ATXN7: variants seen among roughly 807,000 people sequenced by gnomAD.
ATXN7 encodes ataxin 7, also known as ataxin-7.
ATXN7 carries 12 observed loss-of-function variants against 70.5 expected under a neutral mutation model. The ratio of observed to expected loss-of-function variants is 0.17; its 90% CI spans 0.11 to 0.28. ATXN7 has a LOEUF of 0.28. ATXN7 is among the 10% of genes least tolerant of loss of function. The pLI is 1.00. For synonymous variants in ATXN7, 498 were observed against 448.7 expected, an observed-to-expected ratio of 1.11 and a Z score of -1.39; for missense variants, 1,256 against 1,131.7, an observed-to-expected ratio of 1.11 and a Z score of -1.58.
At chr3:63,983,337 G>A (rs981394262) in intron 8 of ATXN7, among the ~76,000 whole-genome samples, 1 of 152,216 alleles carries the variant, frequency 6.6e-6, no homozygotes, top group African/African-American at 2.4e-5. Flanking sequence ...ACCCTTGACT[G>A]TGCTTTAAAT....
intron 1 of ATXN7, among the ~76,000 whole-genome samples, chr3:63,878,841 G>T (rs1186936419): frequency 6.6e-6 from 1 of 152,154 alleles, no homozygotes; most frequent in Non-Finnish European, 1.5e-5. Context: ...AGAAAAGGGA[G>T]CCCAGAGCAG....
chr3:63,870,736 T>C (rs560019053), intron 1 of ATXN7, among the ~76,000 whole-genome samples: 20 of 152,304 alleles, frequency 1.3e-4, no homozygotes, highest in South Asian at 4.1e-4. Flanking sequence ...GGAAGGGAAG[T>C]AATTAATACT....
At chr3:63,964,072 AAACACACAC>A (rs1305788183) in intron 5 of ATXN7, among the ~76,000 whole-genome samples, 81 of 102,194 alleles carry the variant, frequency 7.9e-4, no homozygotes, top group African/African-American at 4.0e-3. Context: ...TTAGACACAT[AAACACACAC>A]ACACACACAC....
rs2106656523 is a variant in ATXN7 at position 63,951,576 on chromosome 3, C to T, written c.395-803C>T. On this transcript the variant is annotated intron_variant, in intron 4 of 12. Coordinates refer to ENST00000674280, the MANE Select transcript of ATXN7 (RefSeq NM_001377405.1). ...ATACTTAAAAAGTTAGATTCTGGAT[C>T]TGAACTTTTAGCTCTGTTCCCCAAA... 3.3e-5 allele frequency among the ~76,000 whole-genome samples: 5 copies of T among 152,328 alleles called. No homozygotes were observed. In the South Asian group the frequency reaches 1.0e-3, roughly 32 times the overall value.
intron 5 of ATXN7, among the ~76,000 whole-genome samples, chr3:63,958,827 A>G (rs1294107235): frequency 6.6e-6 from 1 of 152,208 alleles, no homozygotes; most frequent in African/African-American, 2.4e-5. Context: ...AAAGTCGTAA[A>G]TTAAATTTCA....
At chr3:63,874,918 G>T (rs1702706397) in intron 1 of ATXN7, among the ~76,000 whole-genome samples, 1 of 152,146 alleles carries the variant, frequency 6.6e-6, no homozygotes, top group African/African-American at 2.4e-5. Context: ...CAGGGTGCCA[G>T]CAGATTGTGT....
rs1333570583 is a variant in ATXN7 at position 63,990,346 on chromosome 3, A to T, written c.1532A>T (p.Tyr511Phe). Residue 511 changes from tyrosine to phenylalanine, a missense_variant, in exon 10 of 13, where the codon TAT becomes TTT. By Grantham distance (22) the Tyr-to-Phe change is conservative. Transcript: ENST00000674280. ...EESVEKLDCH[Y>F]SGHHPQPASF... is the part of the protein sequence containing the mutation. The stretch of plus-strand genomic sequence containing the variant: ...TCTGTTGAAAAACTGGACTGTCATT[A>T]TTCAGGTCATCATCCTCAGCCAGCA... 1 of 1,614,040 alleles carries T rather than the reference A, an allele frequency of 6.2e-7. No homozygotes were observed. The highest frequency in any genetic ancestry group is 8.5e-7 in the Non-Finnish European group (1 of 1,180,042).
At chr3:63,912,029 G>C (rs553594560) in intron 2 of ATXN7, 2 of 152,292 alleles carry the variant, frequency 1.3e-5, no homozygotes, top group Non-Finnish European at 2.9e-5. Flanking sequence ...TCGCCGGAGC[G>C]AGCTGAGAGG....
intron 4 of ATXN7, among the ~76,000 whole-genome samples, chr3:63,948,161 G>A (rs2074895159): frequency 6.6e-6 from 1 of 152,178 alleles, no homozygotes; most frequent in Non-Finnish European, 1.5e-5. Context: ...AGGCCCAATA[G>A]TGGTGGCCAT....
chr3:64,000,490 C>T lies in ATXN7; in HGVS notation c.*1023C>T, dbSNP rs1026850571. 1 of 152,558 alleles carries T rather than the reference C, an allele frequency of 6.6e-6. No homozygotes were observed. Among genetic ancestry groups the T allele is most frequent in the African/African-American group, 2.4e-5 (1 of 41,430 alleles). The allele number at this position is 152,558 out of a possible 1,614,324, so 9.5% of individuals were successfully genotyped here. On this transcript the variant is annotated 3_prime_UTR_variant, in exon 13 of 13. Transcript: ENST00000674280. ...TACACTTAAATGTTTCCAAGGCACT[C>T]TCTACATTACCCTTGTTTTTCTCTT...
At chr3:63,887,888 T>C (rs1423601797) in intron 1 of ATXN7, among the ~76,000 whole-genome samples, 2 of 152,044 alleles carry the variant, frequency 1.3e-5, no homozygotes, top group Non-Finnish European at 2.9e-5. Context: ...CTTCTTTTTT[T>C]TTTTTTTTAA....
Position 63,996,045 on chromosome 3 carries a change from C to G in ATXN7, c.2223C>G (p.His741Gln), listed in dbSNP as rs1361658530. 1 of 1,614,204 alleles carries G rather than the reference C, an allele frequency of 6.2e-7. No homozygotes were observed. Among genetic ancestry groups the G allele is most frequent in the Admixed American group, 1.7e-5 (1 of 60,028 alleles). The change falls in exon 12 of 13, where the codon CAC (histidine) becomes CAG (glutamine). Residue 741 changes from histidine (H) to glutamine (Q), a missense_variant. By Grantham distance (24) the His-to-Gln change is conservative. Transcript: ENST00000674280. ...CTTTTAGGAAAAACTGTGTGGCTCACTCTGGGCCTCCCTACCCCTCAACGG... is the reference window on the plus strand; with the variant it reads ...CTTTTAGGAAAAACTGTGTGGCTCAGTCTGGGCCTCCCTACCCCTCAACGG... Reference protein sequence around the residue: ...MESFRKNCVAHSGPPYPSTVT... With the variant: ...MESFRKNCVAQSGPPYPSTVT...
At chr3:63,911,054 A>C (rs1034217809) in intron 2 of ATXN7, among the ~76,000 whole-genome samples, 3 of 151,984 alleles carry the variant, frequency 2.0e-5, no homozygotes, top group Non-Finnish European at 4.4e-5. Flanking sequence ...AAAGAATTCC[A>C]CTTCCTCCCC....
intron 5 of ATXN7, 91 bp downstream of exon 5, chr3:63,952,574 T>C: frequency 1.3e-6 from 1 of 764,810 alleles, no homozygotes; most frequent in Non-Finnish European, 2.0e-6. Flanking sequence ...GCATGGGACA[T>C]AATGTCCCTC....
chr3:63,965,840 C>G (rs1248285527), intron 5 of ATXN7, among the ~76,000 whole-genome samples: 2 of 152,150 alleles, frequency 1.3e-5, no homozygotes, highest in Admixed American at 6.5e-5. Context: ...TTAATCTGAG[C>G]TTTGTTCTCA....
chr3:63,943,550 T>A (rs111315541), intron 4 of ATXN7, among the ~76,000 whole-genome samples: 4 of 152,274 alleles, frequency 2.6e-5, no homozygotes, highest in African/African-American at 9.6e-5. Context: ...ATTTGAAGCA[T>A]TTACATATAT....
At chr3:63,921,006 G>A (rs899482728) in intron 4 of ATXN7, among the ~76,000 whole-genome samples, 1 of 152,162 alleles carries the variant, frequency 6.6e-6, no homozygotes, top group Admixed American at 6.5e-5. Flanking sequence ...TGGAGTTACT[G>A]TACTTTTGAG....
rs1446787701 is a variant in ATXN7, at chr3:63,881,448, G to A, written c.-110-16951G>A. ...AAATACTCTAAGAGAACTTTTCAGT[G>A]TGCTGGAAACTGGCCTTGTTCATTG... On this transcript the variant is annotated intron_variant, in intron 1 of 12. Coordinates refer to ENST00000674280, the MANE Select transcript of ATXN7 (RefSeq NM_001377405.1). 2.0e-5 allele frequency among the ~76,000 whole-genome samples: 3 copies of A among 150,850 alleles called. No homozygotes were observed. In the South Asian group the frequency reaches 6.3e-4, roughly 32 times the overall value.
chr3:63,941,228 C>T (rs890999353), intron 4 of ATXN7, among the ~76,000 whole-genome samples: 2 of 152,064 alleles, frequency 1.3e-5, no homozygotes, highest in African/African-American at 4.8e-5. Context: ...GCTCCTTGGT[C>T]GTCTGGTGCA....
Sources: allele counts gnomAD v4.1 joint callset (sites outside exome capture counted in the v4.1 genomes callset), GRCh38; gene constraint gnomAD v4.1.1; transcripts MANE v1.5; gene names NCBI Gene and HGNC (gene_info 2026-07-23, HGNC 2026-07-21).